The following IFT74 variants were observed in gnomAD, a reference collection of about 807,000 sequenced individuals.
IFT74 encodes intraflagellar transport protein 74 homolog.
A neutral mutation model predicts 96.7 loss-of-function variants in IFT74; 92 were observed. The observed-to-expected ratio is 0.95, with a 90% CI of 0.80 to 1.13. The LOEUF (loss-of-function observed/expected upper bound fraction) is 1.13, where lower values mean the gene tolerates loss of function less well. IFT74 is among the 50% of genes most tolerant of loss of function. The pLI is 0.00. For synonymous variants in IFT74, 223 were observed against 213.2 expected (o/e 1.05, Z -0.40); for missense variants, 811 against 698.2 (o/e 1.16, Z -1.82).
At chr9:26,957,936 G>T (rs944450418) in intron 1 of IFT74, among the ~76,000 whole-genome samples, 1 of 151,766 alleles carries the variant, frequency 6.6e-6, no homozygotes, top group Admixed American at 6.6e-5. Context: ...TGTATTTTTA[G>T]TAGAGATAGG....
chr9:26,952,732 C>T (rs997579661), upstream of IFT74, among the ~76,000 whole-genome samples: 13 of 152,102 alleles, frequency 8.5e-5, no homozygotes, highest in Non-Finnish European at 1.9e-4. Context: ...TATACAGATG[C>T]AAGAAAATGT....
intron 18 of IFT74, among the ~76,000 whole-genome samples, chr9:27,058,544 CCTGT>C (rs1340498036): frequency 3.9e-5 from 6 of 152,104 alleles, no homozygotes; most frequent in Admixed American, 1.3e-4. Context: ...AGCCACCACG[CCTGT>C]CTAATTTTTT....
intron 8 of IFT74, among the ~76,000 whole-genome samples, chr9:27,001,881 C>CA (rs1240960228): frequency 6.0e-5 from 9 of 150,862 alleles, no homozygotes; most frequent in South Asian, 2.1e-4. Context: ...CTTAGAGACA[C>CA]AAAAAAATCT....
chr9:27,043,717 C>T (rs933235975), intron 13 of IFT74, among the ~76,000 whole-genome samples: 1 of 152,178 alleles, frequency 6.6e-6, no homozygotes, highest in Non-Finnish European at 1.5e-5. Flanking sequence ...TCTCAGATGC[C>T]CAAGCCAGAA....
Position 26,980,628 on chromosome 9 carries a change from A to G in IFT74, c.305+9A>G. The G allele has an allele frequency of 6.4e-7, 1 of 1,566,224 alleles. No individual in the cohort carries two copies. Among genetic ancestry groups the G allele is most frequent in the Non-Finnish European group, 8.8e-7 (1 of 1,138,696 alleles). On this transcript the variant is annotated intron_variant, in intron 4 of 19. Coordinates refer to ENST00000380062, the MANE Select transcript of IFT74 (RefSeq NM_025103.4). ...TATCTTGGGCTTCTTAGGTATGTTAAACATATCTTTTCATCCGTATGTTTT... is the reference window on the plus strand; with the variant it reads ...TATCTTGGGCTTCTTAGGTATGTTAGACATATCTTTTCATCCGTATGTTTT...
In IFT74 at chr9:27,048,736, G is replaced by C. The variant is rs185076628; in HGVS notation, c.1333+462G>C. Among the ~76,000 whole-genome samples the C allele has an allele frequency of 3.3e-3, 510 of 152,270 alleles. 4 individuals are homozygous for C. The highest frequency in any genetic ancestry group is 0.012 in the African/African-American group (490 of 41,534). On this transcript the variant is annotated intron_variant, in intron 16 of 19. Transcript: ENST00000380062. ...TTAGGCCAGCTGTGTCTGTTAGCTG[G>C]CAATTATCAAGTTAGGAGTCTATGT...
intron 8 of IFT74, among the ~76,000 whole-genome samples, chr9:27,007,189 A>G (rs1828839277): frequency 6.6e-6 from 1 of 152,174 alleles, no homozygotes; most frequent in African/African-American, 2.4e-5. Context: ...CCAAGTTATA[A>G]CAGGAGCAAA....
At chr9:27,014,260 A>G (rs761820806) in intron 10 of IFT74, among the ~76,000 whole-genome samples, 7 of 152,324 alleles carry the variant, frequency 4.6e-5, no homozygotes, top group Non-Finnish European at 7.4e-5. Flanking sequence ...CTGGTTGTCC[A>G]TCTATAAAGA....
intron 16 of IFT74, among the ~76,000 whole-genome samples, chr9:27,054,737 T>C (rs997076594): frequency 2.6e-5 from 4 of 152,188 alleles, no homozygotes; most frequent in African/African-American, 9.6e-5. Flanking sequence ...CCAACAGAAG[T>C]TGAAAAAGGC....
At chr9:27,033,490 T>TCGAGGCTGCAG in intron 13 of IFT74, among the ~76,000 whole-genome samples, 1 of 150,382 alleles carries the variant, frequency 6.6e-6, no homozygotes, top group Middle Eastern at 3.6e-3. Flanking sequence ...ACCTCGGAAG[T>TCGAGGCTGCAG]CGAGGCTGCA....
At chr9:26,960,624 A>G (rs1390731538) in intron 1 of IFT74, among the ~76,000 whole-genome samples, 1 of 152,240 alleles carries the variant, frequency 6.6e-6, no homozygotes, top group Non-Finnish European at 1.5e-5. Context: ...AAATAATGTT[A>G]TATTCTGATG....
At chr9:26,951,208 A>G (rs1459386764) in intron 1 of IFT74, among the ~76,000 whole-genome samples, 2 of 152,208 alleles carry the variant, frequency 1.3e-5, no homozygotes, top group Non-Finnish European at 2.9e-5. Flanking sequence ...ATTTAATTTT[A>G]AAAGCCCTCA....
At chr9:27,038,950 T>G (rs9644870) in intron 13 of IFT74, among the ~76,000 whole-genome samples, 13,793 of 152,180 alleles carry the variant, frequency 0.091, 1,731 homozygotes, top group East Asian at 0.67. Flanking sequence ...TGTTCCCAAC[T>G]AAAGCCGTCT....
At chr9:27,035,953 T>C (rs897139362) in intron 13 of IFT74, among the ~76,000 whole-genome samples, 1 of 152,184 alleles carries the variant, frequency 6.6e-6, no homozygotes, top group Non-Finnish European at 1.5e-5. Flanking sequence ...AACTTTTGAC[T>C]CCATAAAAAC....
intron 13 of IFT74, among the ~76,000 whole-genome samples, chr9:27,036,967 C>T (rs1819230712): frequency 6.6e-6 from 1 of 151,982 alleles, no homozygotes; most frequent in Non-Finnish European, 1.5e-5. Flanking sequence ...GCCTGTAATC[C>T]CAGCACTTTG....
chr9:26,949,334 C>G (rs560709754), intron 1 of IFT74, among the ~76,000 whole-genome samples: 1 of 152,196 alleles, frequency 6.6e-6, no homozygotes, highest in South Asian at 2.1e-4. Flanking sequence ...AATTTGGAGG[C>G]CATTAGGTTG....
intron 1 of IFT74, among the ~76,000 whole-genome samples, chr9:26,950,660 CA>C (rs746432479): frequency 1.3e-5 from 2 of 152,190 alleles, no homozygotes; most frequent in Non-Finnish European, 2.9e-5. Flanking sequence ...TATAATTCTG[CA>C]AAGGTAGTTT....
At chr9:27,033,993 G>T (rs766181350) in intron 13 of IFT74, among the ~76,000 whole-genome samples, 7 of 150,414 alleles carry the variant, frequency 4.7e-5, no homozygotes, top group African/African-American at 7.3e-5. Flanking sequence ...TGAATTTGTA[G>T]TACCACCGCG....
intron 10 of IFT74, among the ~76,000 whole-genome samples, chr9:27,015,636 C>T (rs971024355): frequency 2.0e-5 from 3 of 150,634 alleles, no homozygotes; most frequent in Non-Finnish European, 4.4e-5. Flanking sequence ...AATTCCATCT[C>T]AAAAAAGAAA....
Sources: allele counts gnomAD v4.1 joint callset (sites outside exome capture counted in the v4.1 genomes callset), GRCh38; gene constraint gnomAD v4.1.1; transcripts MANE v1.5; gene names NCBI Gene and HGNC (gene_info 2026-07-23, HGNC 2026-07-21).